Variants in FGD3 observed in about 807,000 individuals in gnomAD.
The protein encoded by FGD3 is FYVE, RhoGEF and PH domain containing 3, also known as FYVE, RhoGEF and PH domain-containing protein 3.
FGD3 carries 45 observed loss-of-function variants against 71.8 expected under a neutral mutation model. The observed-to-expected ratio is 0.63, with a 90% confidence interval of 0.49 to 0.80. The LOEUF (loss-of-function observed/expected upper bound fraction) is 0.80. Among genes scored for constraint, FGD3 ranks in the 30% least tolerant of loss-of-function variants. FGD3 has a pLI of 0.00. For missense variants in FGD3, 844 were observed against 951.5 expected (o/e 0.89, Z 1.49); for synonymous variants, 378 against 392.8 (o/e 0.96, Z 0.44).
At chr9:92,959,206 C>A (rs1859121450) in intron 1 of FGD3, among the ~76,000 whole-genome samples, 1 of 152,274 alleles carries the variant, frequency 6.6e-6, no homozygotes, top group African/African-American at 2.4e-5. Context: ...GGCAATCCGC[C>A]CACCTTGGCC....
Position 92,956,293 on chromosome 9 carries a change from G to A in FGD3, c.-218+8564G>A, listed in dbSNP as rs535209347. Among the ~76,000 whole-genome samples the A allele has an allele frequency of 6.8e-4, 103 of 152,312 alleles. 1 individual carries two copies. Among genetic ancestry groups the A allele is most frequent in the African/African-American group, 2.0e-3 (83 of 41,568 alleles). ...ACCTTCTCCACTGTGTTGAATAAGA[G>A]TGGTGACAGCAGGCATCCTTGCCTT... On this transcript the variant is annotated intron_variant, in intron 1 of 17. Transcript: ENST00000375482.
At chr9:93,011,385 C>T (rs1017170983) in intron 8 of FGD3, 113 bp downstream of exon 8, 3 of 1,274,110 alleles carry the variant, frequency 2.4e-6, no homozygotes, top group Admixed American at 1.8e-5. Context: ...CCACAAGTGA[C>T]TCTTTTATAC....
At chr9:92,959,956 C>T (rs1292669449) in intron 1 of FGD3, among the ~76,000 whole-genome samples, 1 of 151,874 alleles carries the variant, frequency 6.6e-6, no homozygotes, top group African/African-American at 2.4e-5. Flanking sequence ...TCTCATTCCT[C>T]ATGTCCCCAT....
intron 3 of FGD3, among the ~76,000 whole-genome samples, chr9:92,992,871 G>A (rs766562444): frequency 1.2e-4 from 19 of 152,232 alleles, no homozygotes; most frequent in South Asian, 8.3e-4. Context: ...TGGGGCTTGC[G>A]AGGACTGTGG....
intron 16 of FGD3, 152 bp from the exon 17 acceptor site, chr9:93,034,389 G>A: frequency 1.9e-6 from 2 of 1,026,126 alleles, no homozygotes; most frequent in South Asian, 3.8e-5. Flanking sequence ...TGCAAGCCGG[G>A]TGAGGCTGGT....
chr9:93,030,066 C>T (rs1862298366), intron 15 of FGD3, 70 bp downstream of exon 15: 1 of 1,554,420 alleles, frequency 6.4e-7, no homozygotes, highest in Non-Finnish European at 8.7e-7. Context: ...GCAGCTGAGT[C>T]CTCACCAGCA....
Position 93,032,638 on chromosome 9 carries a change from C to T in FGD3, c.1681-131C>T, listed in dbSNP as rs183038123. On this transcript the variant is annotated intron_variant, in intron 15 of 17. Coordinates refer to ENST00000375482, the MANE Select transcript of FGD3 (RefSeq NM_001083536.2). ...CCCTCAAGGAGAAGCTCTTATCCCT[C>T]GCCACACGCCACACTGTGTTAAGTC... 15 of 851,174 alleles carry T rather than the reference C, an allele frequency of 1.8e-5. No homozygotes were observed. In the East Asian group the frequency reaches 3.0e-4, roughly 17 times the overall value. 52.7% of individuals were successfully genotyped at this position (851,174 alleles called of 1,614,324 possible).
intron 3 of FGD3, among the ~76,000 whole-genome samples, chr9:92,988,254 C>A (rs1408410742): frequency 6.6e-6 from 1 of 152,194 alleles, no homozygotes; most frequent in African/African-American, 2.4e-5. Context: ...AAGGCTCCAC[C>A]CTGCATAAGG....
chr9:93,004,777 C>T (rs1239317744), intron 5 of FGD3, among the ~76,000 whole-genome samples: 1 of 152,146 alleles, frequency 6.6e-6, no homozygotes, highest in African/African-American at 2.4e-5. Flanking sequence ...GGAGCCTGGC[C>T]CTTCTGTGTC....
Position 93,035,345 on chromosome 9 carries a change from G to T in FGD3, c.1934G>T (p.Arg645Leu). The T allele has an allele frequency of 2.5e-6, 4 of 1,607,794 alleles. No individual in the cohort carries two copies. The highest frequency in any genetic ancestry group is 1.7e-5 in the Admixed American group (1 of 59,782). Reference sequence around the variant, plus strand: ...TCTGCTCCTCTGCTGCAGGACGGCCGGCTGCCCCGCACCATCCCTCTCCCC... The same window carrying T: ...TCTGCTCCTCTGCTGCAGGACGGCCTGCTGCCCCGCACCATCCCTCTCCCC... ...LHLQGGSQDG[R>L]LPRTIPLPSC... The change falls in exon 18 of 18, where the codon CGG becomes CTG. Residue 645 changes from arginine (R) to leucine (L), a missense_variant. Physicochemically the swap from Arg to Leu is moderately radical, Grantham distance 102 (BLOSUM62 -2). Coordinates refer to ENST00000375482, the MANE Select transcript of FGD3 (RefSeq NM_001083536.2).
chr9:92,989,907 C>A (rs1860337137), intron 3 of FGD3, among the ~76,000 whole-genome samples: 1 of 144,138 alleles, frequency 6.9e-6, no homozygotes, highest in African/African-American at 2.6e-5. Flanking sequence ...TTTCCTTTCA[C>A]ACCTTGTAGA....
Position 92,975,029 on chromosome 9 carries a change from G to A in FGD3, c.-217-209G>A, listed in dbSNP as rs374979028. Among the ~76,000 whole-genome samples the A allele has an allele frequency of 1.6e-4, 24 of 152,352 alleles. No individual in the cohort carries two copies. In the East Asian group the frequency reaches 3.1e-3, roughly 20 times the overall value. On this transcript the variant is annotated intron_variant, in intron 1 of 17. Transcript: ENST00000375482. ...CACCCTACAGTGCATGGCTGCTGGT[G>A]CAGGCCCCACCCTTTTGGAGGCATT...
In FGD3 at chr9:93,020,174, G is replaced by C; in HGVS notation, c.1387-143G>C. On this transcript the variant is annotated intron_variant, in intron 12 of 17. Coordinates refer to ENST00000375482, the MANE Select transcript of FGD3 (RefSeq NM_001083536.2). The stretch of plus-strand genomic sequence containing the variant: ...AAGGGGAGACCACATCATTGGTAGG[G>C]GGGAAGGGAGATGGCCAGTGGCCTG... The C allele has an allele frequency of 4.1e-6, 3 of 740,500 alleles. No individual in the cohort carries two copies. The East Asian group carries it at 8.1e-5, about 20-fold the overall frequency. The allele number at this position is 740,500 out of a possible 1,614,324, so 45.9% of individuals were successfully genotyped here.
At chr9:93,011,416 A>AG (rs924455318) in intron 8 of FGD3, 144 bp downstream of exon 8, 6 of 969,444 alleles carry the variant, frequency 6.2e-6, no homozygotes, top group Admixed American at 4.2e-5. Context: ...CCCCATCCCC[A>AG]GGGGGGTCAG....
intron 3 of FGD3, among the ~76,000 whole-genome samples, chr9:92,995,577 TTTTTG>T (rs1860606464): frequency 6.6e-6 from 1 of 152,176 alleles, no homozygotes; most frequent in South Asian, 2.1e-4. Context: ...ATGCTTCCAG[TTTTTG>T]CTCATTCAGT....
chr9:92,956,159 A>C (rs1291083912), intron 1 of FGD3, among the ~76,000 whole-genome samples: 1 of 151,970 alleles, frequency 6.6e-6, no homozygotes, highest in African/African-American at 2.4e-5. Flanking sequence ...GCTTCTTGGC[A>C]TTTTCTTTGT....
intron 17 of FGD3, 103 bp from the exon 18 acceptor site, chr9:93,035,235 T>G (rs1159256855): frequency 1.4e-6 from 2 of 1,466,004 alleles, no homozygotes; most frequent in African/African-American, 2.8e-5. Context: ...TGCCTTGCGT[T>G]GCAAGGGTCT....
At chr9:92,948,807 G>T (rs1037204291) in intron 1 of FGD3, among the ~76,000 whole-genome samples, 1 of 152,218 alleles carries the variant, frequency 6.6e-6, no homozygotes, top group African/African-American at 2.4e-5. Context: ...TGGGGCAGGG[G>T]TGGTCAGCTG....
In FGD3 at chr9:93,015,719, G is replaced by A. The variant is rs746858530; in HGVS notation, c.1183-18G>A. The stretch of plus-strand genomic sequence containing the variant: ...TGCGGGCAGCTCTCGTTCCTCACCT[G>A]TGCCATCCCTCTTGCAGTTCAACAG... On this transcript the variant is annotated intron_variant, in intron 9 of 17. Transcript: ENST00000375482. 3.7e-6 allele frequency: 6 copies of A among 1,612,508 alleles called. No homozygotes were observed. The highest frequency in any genetic ancestry group is 1.1e-5 in the South Asian group (1 of 91,044).
Sources: allele counts gnomAD v4.1 joint callset (sites outside exome capture counted in the v4.1 genomes callset), GRCh38; gene constraint gnomAD v4.1.1; transcripts MANE v1.5; gene names NCBI Gene and HGNC (gene_info 2026-07-23, HGNC 2026-07-21).